The following PLCB1 variants were observed in gnomAD, a reference collection of about 807,000 sequenced individuals.
The protein encoded by PLCB1 is phospholipase C beta 1.
In PLCB1, 46 loss-of-function variants were observed where a neutral mutation model predicts 161.8. The ratio of observed to expected loss-of-function variants is 0.28; its 90% confidence interval spans 0.22 to 0.36. The LOEUF is 0.36. PLCB1 is among the 10% of genes least tolerant of loss of function. The pLI, the probability that PLCB1 is intolerant of heterozygous loss-of-function variation, is 1.00. For synonymous variants in PLCB1, 517 were observed against 503.7 expected, an observed-to-expected ratio of 1.03 and a Z score of -0.35; for missense variants, 1,016 against 1,472.5, an observed-to-expected ratio of 0.69 and a Z score of 5.07.
chr20:8,268,762 C>G (rs1230115531), intron 2 of PLCB1, among the ~76,000 whole-genome samples: 1 of 152,070 alleles, frequency 6.6e-6, no homozygotes, highest in Non-Finnish European at 1.5e-5. Flanking sequence ...GCATAAATGT[C>G]TTCTTTTGAG....
chr20:8,416,067 C>A (rs1003912379), intron 3 of PLCB1, among the ~76,000 whole-genome samples: 1 of 152,168 alleles, frequency 6.6e-6, no homozygotes, highest in African/African-American at 2.4e-5. Flanking sequence ...CCCTAGGGAA[C>A]ACTAAAAATA....
intron 17 of PLCB1, among the ~76,000 whole-genome samples, chr20:8,727,959 G>C (rs891872088): frequency 3.9e-5 from 6 of 151,960 alleles, no homozygotes; most frequent in Admixed American, 2.0e-4. Context: ...AAGTGAAACA[G>C]GCTATTAAAT....
At chr20:8,721,797 C>T (rs1029170699) in intron 14 of PLCB1, among the ~76,000 whole-genome samples, 1 of 152,164 alleles carries the variant, frequency 6.6e-6, no homozygotes, top group African/African-American at 2.4e-5. Flanking sequence ...CCCCAGAGTT[C>T]CTGCCCCAGC....
At chr20:8,209,201 GT>G (rs201719377) in intron 2 of PLCB1, among the ~76,000 whole-genome samples, 1 of 142,750 alleles carries the variant, frequency 7.0e-6, no homozygotes, top group African/African-American at 2.6e-5. Flanking sequence ...ACTGTTTTTT[GT>G]TTTTTTTTTC....
chr20:8,351,535 T>C (rs1321988417), intron 2 of PLCB1, among the ~76,000 whole-genome samples: 1 of 151,822 alleles, frequency 6.6e-6, no homozygotes, highest in African/African-American at 2.4e-5. Context: ...AAGACAGTAT[T>C]AAAAGAATGA....
At chr20:8,733,714 C>G (rs561294209) in intron 19 of PLCB1, among the ~76,000 whole-genome samples, 4 of 150,526 alleles carry the variant, frequency 2.7e-5, no homozygotes, top group Admixed American at 1.3e-4. Context: ...GGGTGCAGCA[C>G]ACCAGCATGG....
chr20:8,422,323 T>G (rs1979573426), intron 3 of PLCB1, among the ~76,000 whole-genome samples: 1 of 152,242 alleles, frequency 6.6e-6, no homozygotes, highest in Non-Finnish European at 1.5e-5. Flanking sequence ...CAAATATGAT[T>G]ATTGGTTTTT....
chr20:8,231,613 A>G (rs1980043079), intron 2 of PLCB1, among the ~76,000 whole-genome samples: 1 of 152,164 alleles, frequency 6.6e-6, no homozygotes, highest in South Asian at 2.1e-4. Context: ...CTTTCCTTGC[A>G]TCCTTTGTTT....
intron 26 of PLCB1, among the ~76,000 whole-genome samples, chr20:8,767,943 G>T (rs1239331837): frequency 6.6e-6 from 1 of 152,094 alleles, no homozygotes; most frequent in South Asian, 2.1e-4. Flanking sequence ...CAGCACTTTG[G>T]GAGGCTAAGG....
intron 3 of PLCB1, among the ~76,000 whole-genome samples, chr20:8,482,332 G>A (rs1982539622): frequency 6.6e-6 from 1 of 151,968 alleles, no homozygotes; most frequent in South Asian, 2.1e-4. Context: ...TAGATCTCTT[G>A]ATCTTGTGAT....
intron 4 of PLCB1, among the ~76,000 whole-genome samples, chr20:8,632,754 A>G (rs1988638820): frequency 6.6e-6 from 1 of 152,164 alleles, no homozygotes; most frequent in Non-Finnish European, 1.5e-5. Context: ...TACTTTAGGA[A>G]CAGCCAAGGG....
At chr20:8,335,717 T>C (rs546534439) in intron 2 of PLCB1, among the ~76,000 whole-genome samples, 74 of 152,370 alleles carry the variant, frequency 4.9e-4, no homozygotes, top group African/African-American at 1.8e-3. Context: ...TTCTATGCAA[T>C]TAATGCCATT....
intron 12 of PLCB1, among the ~76,000 whole-genome samples, chr20:8,712,450 C>T (rs560447906): frequency 4.6e-5 from 7 of 152,174 alleles, no homozygotes; most frequent in Admixed American, 6.5e-5. Flanking sequence ...ACATCAGAAT[C>T]CCATGAAGTG....
chr20:8,294,218 C>T (rs917346167), intron 2 of PLCB1, among the ~76,000 whole-genome samples: 1 of 152,066 alleles, frequency 6.6e-6, no homozygotes, highest in Non-Finnish European at 1.5e-5. Context: ...TGATATTCTC[C>T]TTCCTGACTT....
chr20:8,583,536 C>T (rs1367065795), intron 3 of PLCB1, among the ~76,000 whole-genome samples: 2 of 152,152 alleles, frequency 1.3e-5, no homozygotes, highest in African/African-American at 2.4e-5. Context: ...ATATAATCTC[C>T]AGTACATATG....
intron 3 of PLCB1, among the ~76,000 whole-genome samples, chr20:8,392,195 A>C (rs544030543): frequency 2.0e-5 from 3 of 152,140 alleles, no homozygotes; most frequent in African/African-American, 7.2e-5. Flanking sequence ...AATGTGATTA[A>C]GGTCCTTATA....
intron 2 of PLCB1, among the ~76,000 whole-genome samples, chr20:8,242,663 A>T (rs1441070617): frequency 6.6e-6 from 1 of 151,946 alleles, no homozygotes; most frequent in African/African-American, 2.4e-5. Flanking sequence ...GAGAAAAGAG[A>T]GGAATGGCAA....
chr20:8,800,704 G>A (rs1287797736), intron 31 of PLCB1, among the ~76,000 whole-genome samples: 3 of 149,300 alleles, frequency 2.0e-5, no homozygotes, highest in Non-Finnish European at 3.0e-5. Context: ...TGCACCTTTC[G>A]TATTATCCAA....
At chr20:8,799,287 A>C (rs912875534) in intron 31 of PLCB1, among the ~76,000 whole-genome samples, 2 of 152,166 alleles carry the variant, frequency 1.3e-5, no homozygotes, top group Non-Finnish European at 2.9e-5. Context: ...GGTGGGGTTC[A>C]GCGTCTTCCC....
Sources: gnomAD v4.1 joint callset for allele counts (sites outside exome capture counted in the v4.1 genomes callset) on GRCh38, gnomAD v4.1.1 for gene constraint, MANE v1.5 for transcripts, NCBI Gene and HGNC (gene_info 2026-07-23, HGNC 2026-07-21) for gene names.